Variants in MACROD2 observed in about 807,000 individuals in gnomAD.
MACROD2 encodes mono-ADP ribosylhydrolase 2, also known as ADP-ribose glycohydrolase MACROD2.
In MACROD2, 36 loss-of-function variants were observed where a neutral mutation model predicts 70.4. The ratio of observed to expected loss-of-function variants is 0.51; its 90% CI spans 0.39 to 0.68. The LOEUF is 0.68. Among genes scored for constraint, MACROD2 ranks in the 30% least tolerant of loss-of-function variants. MACROD2 has a pLI of 0.00. For missense variants in MACROD2, 496 were observed against 538.4 expected, an observed-to-expected ratio of 0.92 and a Z score of 0.78; for synonymous variants, 172 against 178.8, an observed-to-expected ratio of 0.96 and a Z score of 0.30.
At chr20:14,608,021 G>C (rs1982916660) in intron 4 of MACROD2, among the ~76,000 whole-genome samples, 1 of 152,154 alleles carries the variant, frequency 6.6e-6, no homozygotes, top group Non-Finnish European at 1.5e-5. Context: ...GGGAGGCCGA[G>C]GTGGGTGGAT....
At chr20:14,823,907 C>T (rs1375327474) in intron 5 of MACROD2, among the ~76,000 whole-genome samples, 2 of 152,124 alleles carry the variant, frequency 1.3e-5, no homozygotes, top group South Asian at 4.1e-4. Flanking sequence ...TCAAAATACT[C>T]CAAGTACAAA....
chr20:15,446,499 C>T (rs1568814544), intron 7 of MACROD2, among the ~76,000 whole-genome samples: 1 of 152,210 alleles, frequency 6.6e-6, no homozygotes, highest in African/African-American at 2.4e-5. Flanking sequence ...ATGGCCCTCC[C>T]CCAATAAATC....
At chr20:15,793,007 A>T (rs1314023501) in intron 8 of MACROD2, among the ~76,000 whole-genome samples, 9 of 152,192 alleles carry the variant, frequency 5.9e-5, no homozygotes. Context: ...ATCTTAAAAC[A>T]TGAAGCGTAT....
At chr20:14,489,877 A>G (rs1297089608) in intron 3 of MACROD2, among the ~76,000 whole-genome samples, 1 of 148,312 alleles carries the variant, frequency 6.7e-6, no homozygotes, top group Non-Finnish European at 1.5e-5. Flanking sequence ...TTTTTTTTTT[A>G]AAAGACAGAG....
At chr20:14,235,015 G>A (rs957304256) in intron 3 of MACROD2, among the ~76,000 whole-genome samples, 5 of 152,072 alleles carry the variant, frequency 3.3e-5, no homozygotes, top group Admixed American at 2.0e-4. Flanking sequence ...CTTTTTTAAT[G>A]TGAAAAAAAG....
chr20:14,418,006 CT>C (rs1284648278), intron 3 of MACROD2, among the ~76,000 whole-genome samples: 1 of 152,094 alleles, frequency 6.6e-6, no homozygotes, highest in Non-Finnish European at 1.5e-5. Context: ...GACAGCTAAT[CT>C]TTTTTTCTGT....
At chr20:15,537,039 A>C (rs1193329702) in intron 8 of MACROD2, among the ~76,000 whole-genome samples, 1 of 152,062 alleles carries the variant, frequency 6.6e-6, no homozygotes, top group African/African-American at 2.4e-5. Context: ...CCATGTCCCC[A>C]CCCAAATCTC....
chr20:15,214,000 C>T (rs1368159950), intron 5 of MACROD2, among the ~76,000 whole-genome samples: 1 of 151,968 alleles, frequency 6.6e-6, no homozygotes, highest in African/African-American at 2.4e-5. Flanking sequence ...CTGCCTTGTC[C>T]TCCCAAAGTT....
intron 5 of MACROD2, among the ~76,000 whole-genome samples, chr20:14,756,690 A>G (rs1392054660): frequency 2.6e-5 from 4 of 151,934 alleles, no homozygotes; most frequent in African/African-American, 9.7e-5. Context: ...ATACCATGAG[A>G]ACAAAAAAAG....
intron 10 of MACROD2, chr20:15,893,578 A>G (rs182516205): frequency 2.5e-6 from 1 of 399,816 alleles, no homozygotes; most frequent in East Asian, 7.1e-5. Flanking sequence ...ACAACATACA[A>G]TTCATTCAAA....
intron 6 of MACROD2, among the ~76,000 whole-genome samples, chr20:15,240,044 T>A (rs1363415706): frequency 1.3e-5 from 2 of 152,186 alleles, no homozygotes; most frequent in African/African-American, 4.8e-5. Context: ...CCTCCATTTC[T>A]GTCAGAGAAG....
At chr20:14,118,112 T>C (rs377455010) in intron 3 of MACROD2, among the ~76,000 whole-genome samples, 45 of 152,324 alleles carry the variant, frequency 3.0e-4, no homozygotes, top group African/African-American at 8.4e-4. Context: ...TTTGTGGCAA[T>C]TTGTTATACA....
intron 8 of MACROD2, chr20:15,552,397 C>T (rs1382194837): frequency 3.3e-5 from 5 of 152,176 alleles, no homozygotes; most frequent in African/African-American, 4.8e-5. Flanking sequence ...CATTATTCCG[C>T]AATACTCCAA....
At chr20:15,185,622 A>G (rs2076529575) in intron 5 of MACROD2, among the ~76,000 whole-genome samples, 1 of 152,192 alleles carries the variant, frequency 6.6e-6, no homozygotes, top group Non-Finnish European at 1.5e-5. Flanking sequence ...TACATAATTA[A>G]TTTATAAATA....
At chr20:15,842,571 A>AC (rs11480530) in intron 8 of MACROD2, among the ~76,000 whole-genome samples, 130,928 of 151,298 alleles carry the variant, frequency 0.87, 56,939 homozygotes, top group East Asian at 0.99. Context: ...AATATCAGAA[A>AC]CCACAAAAAG....
intron 5 of MACROD2, among the ~76,000 whole-genome samples, chr20:15,103,784 C>T (rs946785060): frequency 1.3e-5 from 2 of 152,058 alleles, no homozygotes; most frequent in South Asian, 2.1e-4. Flanking sequence ...TCTGATCAGA[C>T]GACATTTGAG....
At chr20:14,404,099 A>C (rs2083666653) in intron 3 of MACROD2, among the ~76,000 whole-genome samples, 1 of 152,178 alleles carries the variant, frequency 6.6e-6, no homozygotes, top group African/African-American at 2.4e-5. Flanking sequence ...TGAGTGAATT[A>C]GGGAAATATA....
At chr20:14,320,174 C>T (rs906034545) in intron 3 of MACROD2, among the ~76,000 whole-genome samples, 1 of 152,176 alleles carries the variant, frequency 6.6e-6, no homozygotes, top group Non-Finnish European at 1.5e-5. Context: ...CAGTTGTTTT[C>T]CATCTTTATT....
At chr20:15,778,124 G>T (rs1600877546) in intron 8 of MACROD2, among the ~76,000 whole-genome samples, 1 of 152,244 alleles carries the variant, frequency 6.6e-6, no homozygotes, top group East Asian at 1.9e-4. Context: ...TAGAGAAAAG[G>T]ATAAAAACCC....
Sources: gnomAD v4.1 joint callset for allele counts (sites outside exome capture counted in the v4.1 genomes callset) on GRCh38, gnomAD v4.1.1 for gene constraint, MANE v1.5 for transcripts, NCBI Gene and HGNC (gene_info 2026-07-23, HGNC 2026-07-21) for gene names.